WNK3: variants seen among roughly 807,000 people sequenced by gnomAD.
WNK3 encodes WNK lysine deficient protein kinase 3.
A neutral mutation model predicts 116.7 loss-of-function variants in WNK3; 18 were observed. The ratio of observed to expected loss-of-function variants is 0.15; its 90% CI spans 0.11 to 0.23. The LOEUF is 0.23. WNK3 is among the 10% of genes least tolerant of loss of function. The pLI, the probability that WNK3 is intolerant of heterozygous loss-of-function variation, is 1.00. For missense variants in WNK3, 993 were observed against 1,323.8 expected, an observed-to-expected ratio of 0.75 and a Z score of 3.88; for synonymous variants, 404 against 469.4, an observed-to-expected ratio of 0.86 and a Z score of 1.80.
chrX:54,261,685 ATCT>A (rs1260096374), intron 10 of WNK3, among the ~76,000 whole-genome samples: 5 of 111,781 alleles, frequency 4.5e-5, no homozygotes, highest in South Asian at 3.7e-4. Flanking sequence ...CTCTTTTATA[ATCT>A]TCTTTTTACT....
intron 10 of WNK3, among the ~76,000 whole-genome samples, chrX:54,276,566 T>C (rs1455235494): frequency 9.0e-6 from 1 of 111,113 alleles, no homozygotes; most frequent in Admixed American, 9.7e-5. Context: ...AAGAATCATA[T>C]GCCATGACCA....
rs189245578 is a variant in WNK3 at position 54,224,655 on chromosome X, C to T, written c.4870+4059G>A. Among the ~76,000 whole-genome samples the T allele has an allele frequency of 8.1e-3, 867 of 107,235 alleles. 9 individuals are homozygous for T. The highest frequency in any genetic ancestry group is 0.029 in the African/African-American group (841 of 28,703). 93.1% of individuals were successfully genotyped at this position (107,235 alleles called of 115,157 possible). On this transcript the variant is annotated intron_variant, in intron 22 of 23. Transcript: ENST00000354646. ...CAAGATCTCGGCTCACTGCAAGCTC[C>T]GCCTCCCGGGTTCACGCCATTCTCC...
chrX:54,249,352 C>T, exon 17 of WNK3: 1 of 1,212,016 alleles, frequency 8.3e-7, no homozygotes, highest in Non-Finnish European at 1.1e-6. Context: ...TATGAATATG[C>T]TTGCTTGTTT....
At chrX:54,321,551 G>A (rs868944790) in intron 2 of WNK3, among the ~76,000 whole-genome samples, 17 of 111,632 alleles carry the variant, frequency 1.5e-4, no homozygotes, top group East Asian at 5.6e-4. Flanking sequence ...TGAGGATAAC[G>A]ATAATTTGTA....
At chrX:54,328,224 T>G (rs923712812) in intron 2 of WNK3, among the ~76,000 whole-genome samples, 2 of 110,145 alleles carry the variant, frequency 1.8e-5, no homozygotes, top group Non-Finnish European at 3.8e-5. Context: ...CACTGGGGTC[T>G]TCTTCTACAG....
chrX:54,325,653 T>A (rs1603398695), intron 2 of WNK3, among the ~76,000 whole-genome samples: 1 of 76,132 alleles, frequency 1.3e-5, no homozygotes, highest in Non-Finnish European at 2.3e-5. Flanking sequence ...CACTCCAGCC[T>A]GGGCAACAAG....
chrX:54,195,783 C>T (rs1319900987), exon 24 of WNK3: 1 of 111,755 alleles, frequency 8.9e-6, no homozygotes, highest in Non-Finnish European at 1.9e-5. Context: ...CTTTAGAAGA[C>T]TACTTTTCTT....
At chrX:54,292,208 A>G (rs2068646587) in intron 10 of WNK3, among the ~76,000 whole-genome samples, 2 of 111,980 alleles carry the variant, frequency 1.8e-5, no homozygotes, top group East Asian at 5.6e-4. Flanking sequence ...ATGAAACACT[A>G]TTTCTAATTA....
intron 10 of WNK3, among the ~76,000 whole-genome samples, chrX:54,291,811 T>C (rs1256113257): frequency 8.9e-6 from 1 of 111,845 alleles, no homozygotes; most frequent in East Asian, 2.8e-4. Flanking sequence ...CATTAAAAGT[T>C]TGATGATGAA....
At chrX:54,232,713 T>C in intron 21 of WNK3, 96 bp downstream of exon 21, 2 of 744,712 alleles carry the variant, frequency 2.7e-6, no homozygotes, top group Non-Finnish European at 3.9e-6. Context: ...TTAAATTATT[T>C]TAGCCTAATT....
At chrX:54,263,515 A>C (rs1344023337) in intron 10 of WNK3, among the ~76,000 whole-genome samples, 1 of 112,443 alleles carries the variant, frequency 8.9e-6, no homozygotes, top group Non-Finnish European at 1.9e-5. Context: ...ACAGGATTTT[A>C]CTATATGTAC....
intron 10 of WNK3, among the ~76,000 whole-genome samples, chrX:54,283,808 A>G (rs1431564690): frequency 1.9e-5 from 2 of 104,103 alleles, no homozygotes; most frequent in African/African-American, 7.0e-5. Flanking sequence ...GTGTTGGTAG[A>G]GATGTGGAGA....
At chrX:54,202,827 C>T (rs1340686933) in intron 22 of WNK3, among the ~76,000 whole-genome samples, 4 of 108,848 alleles carry the variant, frequency 3.7e-5, no homozygotes, top group Non-Finnish European at 7.6e-5. Context: ...CAGATAGATA[C>T]TTTAAAGATT....
intron 22 of WNK3, among the ~76,000 whole-genome samples, chrX:54,204,156 G>A (rs1439754989): frequency 9.0e-6 from 1 of 111,264 alleles, no homozygotes. Context: ...GTCTCGCTTT[G>A]TCACCCAAGC....
At chrX:54,199,204 G>A (rs1432412354) in intron 23 of WNK3, among the ~76,000 whole-genome samples, 1 of 109,983 alleles carries the variant, frequency 9.1e-6, no homozygotes, top group Admixed American at 9.7e-5. Flanking sequence ...CTCACATTCC[G>A]CATCTCGGTG....
chrX:54,298,019 G>T (rs138946378), intron 7 of WNK3, among the ~76,000 whole-genome samples, 156 bp downstream of exon 7: 2,759 of 110,618 alleles, frequency 0.025, 28 homozygotes, highest in Middle Eastern at 0.11. Flanking sequence ...CTTGCAGTGA[G>T]CCGAGATCGC....
intron 22 of WNK3, among the ~76,000 whole-genome samples, chrX:54,221,604 G>A (rs914154418): frequency 3.6e-5 from 4 of 111,286 alleles, no homozygotes; most frequent in Admixed American, 9.6e-5. Flanking sequence ...AGGCCGAGGC[G>A]GGCGGATCAC....
At chrX:54,268,019 T>C (rs1243672677) in intron 10 of WNK3, among the ~76,000 whole-genome samples, 3 of 108,341 alleles carry the variant, frequency 2.8e-5, no homozygotes, top group African/African-American at 6.7e-5. Context: ...GCAAAAAATA[T>C]ATAAATTCTC....
chrX:54,293,339 G>C lies in WNK3; in HGVS notation c.1694-12C>G, dbSNP rs1488277496. Reference sequence around the variant, plus strand: ...AGACAAATTGTCACCTATAAAAAAAGAAAATAAGTAACAGGTAGAAGGGAA... The same window carrying C: ...AGACAAATTGTCACCTATAAAAAAACAAAATAAGTAACAGGTAGAAGGGAA... On this transcript the variant is annotated splice_polypyrimidine_tract_variant and intron_variant, in intron 8 of 23. Transcript: ENST00000354646. The C allele has an allele frequency of 1.2e-5, 14 of 1,172,829 alleles. No individual in the cohort carries two copies. In the African/African-American group the frequency reaches 1.2e-4, roughly 10 times the overall value.
Sources: gnomAD v4.1 joint callset for allele counts (sites outside exome capture counted in the v4.1 genomes callset) on GRCh38, gnomAD v4.1.1 for gene constraint, MANE v1.5 for transcripts, NCBI Gene and HGNC (gene_info 2026-07-23, HGNC 2026-07-21) for gene names.